The following PRKX variants were observed in gnomAD, a reference collection of about 807,000 sequenced individuals.
The protein encoded by PRKX is protein kinase cAMP-dependent X-linked catalytic subunit, also known as cAMP-dependent protein kinase catalytic subunit PRKX.
In PRKX, 12 loss-of-function variants were observed where a neutral mutation model predicts 22.0. The ratio of observed to expected loss-of-function variants is 0.54; its 90% CI spans 0.35 to 0.88. The LOEUF (loss-of-function observed/expected upper bound fraction) is 0.88, where lower values mean the gene tolerates loss of function less well. Ranked by LOEUF, PRKX falls within the 40% of genes least tolerant of loss-of-function variation. The pLI is 0.01. For missense variants in PRKX, 217 were observed against 308.0 expected (o/e 0.70, Z 2.21); for synonymous variants, 134 against 137.7 (o/e 0.97, Z 0.19).
At chrX:3,632,780 C>T (rs1569044391) in intron 4 of PRKX, among the ~76,000 whole-genome samples, 3 of 112,192 alleles carry the variant, frequency 2.7e-5, no homozygotes, top group Admixed American at 9.5e-5. Context: ...AGACTGCTTC[C>T]AATTCTTACC....
rs145039166 is a variant in PRKX, at chrX:3,676,896, T to C, written c.167-2130A>G. On this transcript the variant is annotated intron_variant, in intron 1 of 8. Coordinates refer to ENST00000262848, the MANE Select transcript of PRKX (RefSeq NM_005044.5). ...GCTCGGGCTCTCTTCTTGCCTGCTG[T>C]CATGTAAGACGTGACTTTGCTCCTC... Among the ~76,000 whole-genome samples, 872 of 112,133 alleles carry C rather than the reference T, an allele frequency of 7.8e-3. 11 individuals are homozygous for C. Among genetic ancestry groups the C allele is most frequent in the African/African-American group, 0.025 (774 of 30,812 alleles).
chrX:3,627,991 G>A (rs780155056), intron 4 of PRKX, among the ~76,000 whole-genome samples: 68 of 111,386 alleles, frequency 6.1e-4, no homozygotes, highest in African/African-American at 2.1e-3. Context: ...GGGAATCAGC[G>A]TAGATGTCCA....
chrX:3,702,811 A>G (rs1377552976), intron 1 of PRKX, among the ~76,000 whole-genome samples: 1 of 105,747 alleles, frequency 9.5e-6, no homozygotes, highest in Admixed American at 1.0e-4. Context: ...CTCCCGTCTC[A>G]GCCCCCCGAA....
intron 6 of PRKX, among the ~76,000 whole-genome samples, chrX:3,616,107 T>C (rs1302421716): frequency 9.0e-6 from 1 of 111,247 alleles, no homozygotes; most frequent in Admixed American, 9.6e-5. Flanking sequence ...CAGAAACAAA[T>C]CCAGTCATTC....
At chrX:3,613,114 G>GAACTCC (rs199783905) in intron 7 of PRKX, among the ~76,000 whole-genome samples, 7,519 of 83,840 alleles carry the variant, frequency 0.09, 441 homozygotes, top group East Asian at 0.32. Context: ...TCGCACCACT[G>GAACTCC]AACTCCAGCC....
chrX:3,628,633 G>A (rs1391874853), intron 4 of PRKX, among the ~76,000 whole-genome samples: 1 of 111,718 alleles, frequency 9.0e-6, no homozygotes, highest in Admixed American at 9.6e-5. Flanking sequence ...CTACTTGGGA[G>A]GCTGAGGGGG....
intron 6 of PRKX, among the ~76,000 whole-genome samples, chrX:3,617,567 C>T (rs949105137): frequency 4.5e-5 from 5 of 110,224 alleles, no homozygotes; most frequent in African/African-American, 9.9e-5. Context: ...GATCACTTGA[C>T]GCCAGGAGGT....
intron 2 of PRKX, among the ~76,000 whole-genome samples, chrX:3,660,964 G>A (rs2146587445): frequency 9.1e-6 from 1 of 109,959 alleles, no homozygotes; most frequent in East Asian, 2.9e-4. Flanking sequence ...TACTGCACGA[G>A]TGGGGAAAAC....
At chrX:3,684,193 A>C (rs1239895366) in intron 1 of PRKX, among the ~76,000 whole-genome samples, 1 of 111,759 alleles carries the variant, frequency 8.9e-6, no homozygotes, top group East Asian at 2.8e-4. Context: ...TGGAGGTTAC[A>C]GTGAGCCAAG....
At chrX:3,637,679 C>A (rs1457620738) in intron 4 of PRKX, among the ~76,000 whole-genome samples, 1 of 111,921 alleles carries the variant, frequency 8.9e-6, no homozygotes, top group African/African-American at 3.2e-5. Flanking sequence ...TCAATAGCTC[C>A]CTGCCTCATG....
At chrX:3,682,178 CG>C (rs1459853098) in intron 1 of PRKX, among the ~76,000 whole-genome samples, 1 of 110,161 alleles carries the variant, frequency 9.1e-6, no homozygotes, top group Non-Finnish European at 1.9e-5. Flanking sequence ...AGCACATTCC[CG>C]GGAGTAGATT....
At chrX:3,653,191 C>T (rs183261763) in intron 3 of PRKX, among the ~76,000 whole-genome samples, 2 of 111,203 alleles carry the variant, frequency 1.8e-5, no homozygotes, top group African/African-American at 6.5e-5. Flanking sequence ...GATGAGGTCA[C>T]GAAGGTGGAG....
intron 7 of PRKX, among the ~76,000 whole-genome samples, chrX:3,612,951 G>A (rs1450211409): frequency 1.8e-5 from 2 of 108,294 alleles, no homozygotes; most frequent in African/African-American, 3.3e-5. Flanking sequence ...TCAGGAGTTC[G>A]AGAACAGCCT....
intron 6 of PRKX, among the ~76,000 whole-genome samples, chrX:3,621,028 C>T (rs1243896558): frequency 9.0e-6 from 1 of 111,157 alleles, no homozygotes; most frequent in Admixed American, 9.6e-5. Flanking sequence ...AGGGGAGATA[C>T]GGTGTAGACC....
intron 1 of PRKX, among the ~76,000 whole-genome samples, chrX:3,695,959 T>G (rs1022469965): frequency 3.6e-5 from 4 of 111,586 alleles, no homozygotes; most frequent in African/African-American, 1.3e-4. Flanking sequence ...TGCCTTTTCA[T>G]TTCCTTCTAT....
intron 1 of PRKX, among the ~76,000 whole-genome samples, chrX:3,699,049 T>A (rs1329973721): frequency 1.9e-5 from 2 of 107,026 alleles, no homozygotes; most frequent in African/African-American, 6.8e-5. Context: ...TTTTATTTTT[T>A]TTTTTGAGAC....
intron 3 of PRKX, among the ~76,000 whole-genome samples, chrX:3,650,616 C>T (rs1034050790): frequency 1.8e-5 from 2 of 109,466 alleles, no homozygotes; most frequent in African/African-American, 3.3e-5. Context: ...CGGTGGCTCA[C>T]GCCTGTAATC....
rs1302037822 is a variant in PRKX, at chrX:3,607,778, G to A, written c.*1191C>T. 2.7e-5 allele frequency: 3 copies of A among 109,745 alleles called. No homozygotes were observed. Among genetic ancestry groups the A allele is most frequent in the Admixed American group, 9.9e-5 (1 of 10,142 alleles). 9.0% of individuals were successfully genotyped at this position (109,745 alleles called of 1,213,427 possible). On this transcript the variant is annotated 3_prime_UTR_variant, in exon 9 of 9. Coordinates refer to ENST00000262848, the MANE Select transcript of PRKX (RefSeq NM_005044.5). ...TGCCTCAGCTTCCCAAAGTCCCAGGGTTACAGGAGTGCACCACCGCACCCA... is the reference window on the plus strand; with the variant it reads ...TGCCTCAGCTTCCCAAAGTCCCAGGATTACAGGAGTGCACCACCGCACCCA...
intron 1 of PRKX, among the ~76,000 whole-genome samples, chrX:3,687,715 G>A (rs1928205316): frequency 9.0e-6 from 1 of 110,937 alleles, no homozygotes; most frequent in South Asian, 3.8e-4. Flanking sequence ...CAATTCAATG[G>A]GGGAGAGAAG....
Sources: gnomAD v4.1 joint callset for allele counts (sites outside exome capture counted in the v4.1 genomes callset) on GRCh38, gnomAD v4.1.1 for gene constraint, MANE v1.5 for transcripts, NCBI Gene and HGNC (gene_info 2026-07-23, HGNC 2026-07-21) for gene names.